The following CAND1 variants were observed in gnomAD, a reference collection of about 807,000 sequenced individuals.
CAND1 encodes the protein cullin associated and neddylation dissociated 1.
CAND1 carries 7 observed loss-of-function variants against 108.5 expected under a neutral mutation model. The observed-to-expected ratio is 0.06, with a 90% confidence interval of 0.04 to 0.12. The LOEUF is 0.12. Ranked by LOEUF, CAND1 falls within the 10% of genes least tolerant of loss-of-function variation. The pLI, the probability that CAND1 is intolerant of heterozygous loss-of-function variation, is 1.00. For missense variants in CAND1, 941 were observed against 1,448.7 expected (o/e 0.65, Z 5.69); for synonymous variants, 534 against 512.0 (o/e 1.04, Z -0.58).
chr12:67,306,975 G>C (rs2044893355), intron 10 of CAND1, among the ~76,000 whole-genome samples: 1 of 152,100 alleles, frequency 6.6e-6, no homozygotes, highest in African/African-American at 2.4e-5. Flanking sequence ...GATTCTGGAA[G>C]AGTTTTCAGA....
chr12:67,287,857 A>ATTT (rs34177330), intron 2 of CAND1, among the ~76,000 whole-genome samples: 158 of 112,548 alleles, frequency 1.4e-3, no homozygotes, highest in Non-Finnish European at 2.0e-3. Context: ...TTTTGATGTG[A>ATTT]TTTTTTTTTT....
chr12:67,297,873 A>AT lies in CAND1; in HGVS notation c.854+26dup, dbSNP rs751215470. On this transcript the variant is annotated intron_variant, in intron 6 of 14. Coordinates refer to ENST00000545606, the MANE Select transcript of CAND1 (RefSeq NM_018448.5). ...AAGAAGGTAAGTTTTTAAGATCTCTATTTTTTACAAAAAGTTTTTCCTTAA... is the reference window on the plus strand; with the variant it reads ...AAGAAGGTAAGTTTTTAAGATCTCTATTTTTTTACAAAAAGTTTTTCCTTAA... 2.8e-6 allele frequency: 4 copies of AT among 1,443,520 alleles called. No homozygotes were observed. Among genetic ancestry groups the AT allele is most frequent in the Non-Finnish European group, 3.8e-6 (4 of 1,042,160 alleles). 89.4% of individuals were successfully genotyped at this position (1,443,520 alleles called of 1,614,324 possible).
At chr12:67,274,650 T>C (rs1416694972) in intron 1 of CAND1, among the ~76,000 whole-genome samples, 1 of 152,250 alleles carries the variant, frequency 6.6e-6, no homozygotes, top group Non-Finnish European at 1.5e-5. Flanking sequence ...TAAAATCAAC[T>C]AAACTGTTTG....
chr12:67,305,140 C>T lies in CAND1; in HGVS notation c.1472C>T (p.Ser491Leu), dbSNP rs1389034178. 2 of 1,610,678 alleles carry T rather than the reference C, an allele frequency of 1.2e-6. No individual in the cohort carries two copies. Among genetic ancestry groups the T allele is most frequent in the Admixed American group, 1.7e-5 (1 of 59,598 alleles). The change falls in exon 10 of 15, where the codon TCG becomes TTG. Residue 491 changes from serine (S) to leucine (L), a missense_variant. By Grantham distance (145) the Ser-to-Leu change is moderately radical (BLOSUM62 -2). Coordinates refer to ENST00000545606, the MANE Select transcript of CAND1 (RefSeq NM_018448.5). This position sits in a 1 kb window ranked among gnomAD's most constrained non-coding sequence, Gnocchi z 4.4. ...IFSLNDKSSS[S>L]NLKIDALSCL... ...TCACTGAATGATAAATCAAGCTCAT[C>T]GAATTTGAAGATCGATGCTTTGTCA...
At chr12:67,269,994 G>A (rs1592598298) in intron 1 of CAND1, 2 of 525,110 alleles carry the variant, frequency 3.8e-6, no homozygotes, top group African/African-American at 4.1e-5. Context: ...CTTTCTCCTA[G>A]GCAGTTGCCC....
chr12:67,298,742 A>G (rs2044793382), intron 6 of CAND1, among the ~76,000 whole-genome samples: 1 of 152,166 alleles, frequency 6.6e-6, no homozygotes, highest in Non-Finnish European at 1.5e-5. Context: ...AGGGGAGTTC[A>G]TCTTAAAATT....
intron 8 of CAND1, among the ~76,000 whole-genome samples, chr12:67,303,274 A>G (rs971847041): frequency 2.0e-5 from 3 of 152,230 alleles, no homozygotes; most frequent in Non-Finnish European, 2.9e-5. Flanking sequence ...TAGTAGGTCA[A>G]TTTTTATAGA....
At chr12:67,271,602 C>T (rs1443016091) in intron 1 of CAND1, among the ~76,000 whole-genome samples, 1 of 151,914 alleles carries the variant, frequency 6.6e-6, no homozygotes, top group East Asian at 1.9e-4. Context: ...TTGTTTTTTT[C>T]TTAAATAAAT....
intron 3 of CAND1, among the ~76,000 whole-genome samples, chr12:67,293,415 G>T (rs1377326478): frequency 6.6e-6 from 1 of 152,196 alleles, no homozygotes; most frequent in Non-Finnish European, 1.5e-5. Flanking sequence ...ATCTGCAAAA[G>T]GTGAGATTAT....
intron 3 of CAND1, among the ~76,000 whole-genome samples, chr12:67,294,266 A>G (rs1423215575): frequency 6.6e-6 from 1 of 152,150 alleles, no homozygotes; most frequent in Non-Finnish European, 1.5e-5. Flanking sequence ...TTCTCTCATC[A>G]GTAACAACAT....
At chr12:67,292,854 CA>C in intron 3 of CAND1, 78 bp downstream of exon 3, 3 of 1,414,502 alleles carry the variant, frequency 2.1e-6, no homozygotes, top group Non-Finnish European at 3.0e-6. Flanking sequence ...CCCTTCTGGC[CA>C]AGGAGGGAGG....
In CAND1 at chr12:67,316,019, A is replaced by G. The variant is rs1258282097; in HGVS notation, c.*3189A>G. 2 of 152,228 alleles carry G rather than the reference A, an allele frequency of 1.3e-5. No individual in the cohort carries two copies. Among genetic ancestry groups the G allele is most frequent in the Non-Finnish European group, 2.9e-5 (2 of 68,036 alleles). The allele number at this position is 152,228 out of a possible 1,614,324, so 9.4% of individuals were successfully genotyped here. A position where few individuals can be genotyped will look rare whatever the true frequency, so the allele number is the denominator to read the frequency against. ...CCTAAATTGTTAAAATTAATTGCCA[A>G]TCTCTGGATATATTATGCTTAGTAA... is the stretch of plus-strand genomic sequence containing the variant. On this transcript the variant is annotated 3_prime_UTR_variant, in exon 15 of 15. Transcript: ENST00000545606.
rs2045023761 is a variant in CAND1, at chr12:67,317,827, A to G, written c.*4997A>G. ...CTAGCCCAGTCCATGCCCCTGTTTC[A>G]GACTATTATATCCAACCACCTGCTA... On this transcript the variant is annotated 3_prime_UTR_variant, in exon 15 of 15. Transcript: ENST00000545606. The G allele has an allele frequency of 6.6e-6, 1 of 152,266 alleles. No individual in the cohort carries two copies. Among genetic ancestry groups the G allele is most frequent in the African/African-American group, 2.4e-5 (1 of 41,444 alleles). 9.4% of individuals were successfully genotyped at this position (152,266 alleles called of 1,614,324 possible). A position where few individuals can be genotyped will look rare whatever the true frequency, so the allele number is the denominator to read the frequency against.
rs751583417 is a variant in CAND1, at chr12:67,305,568, C to T, written c.1900C>T (p.Leu634=). The T allele has an allele frequency of 1.5e-5, 25 of 1,614,138 alleles. No homozygotes were observed. The highest frequency in any genetic ancestry group is 1.7e-5 in the Non-Finnish European group (20 of 1,180,018). The change falls in exon 10 of 15, where the codon CTG becomes TTG. Residue 634 remains leucine, a synonymous_variant. Transcript: ENST00000545606. The surrounding 1 kb of genome is among the most constrained non-coding windows in gnomAD (Gnocchi z 4.4). The part of the protein sequence containing the change: ...TRLTTVKALT[L]IAGSPLKIDL... ...GTTAACTACAGTAAAGGCATTGACA[C>T]TGATTGCTGGGTCACCTTTGAAGAT...
chr12:67,294,445 T>A (rs561576190), intron 3 of CAND1, among the ~76,000 whole-genome samples: 8 of 152,294 alleles, frequency 5.3e-5, no homozygotes, highest in African/African-American at 1.2e-4. Context: ...ATATGCTTTT[T>A]AATTCACTGA....
At chr12:67,281,865 A>T in intron 1 of CAND1, 45 bp from the exon 2 acceptor site, 1 of 1,359,764 alleles carries the variant, frequency 7.4e-7, no homozygotes, top group Non-Finnish European at 1.0e-6. Flanking sequence ...TTTTTAAATT[A>T]ATGCTTTAAA....
intron 11 of CAND1, among the ~76,000 whole-genome samples, chr12:67,307,771 A>G (rs2136019521): frequency 6.6e-6 from 1 of 152,190 alleles, no homozygotes; most frequent in Non-Finnish European, 1.5e-5. Context: ...GTGACCTAAG[A>G]TAGCTTTAGT....
chr12:67,310,490 A>G, intron 13 of CAND1, 174 bp downstream of exon 13: 1 of 465,040 alleles, frequency 2.2e-6, no homozygotes, highest in Non-Finnish European at 3.8e-6. Flanking sequence ...ACACCAGTTG[A>G]CGTGTAAGAA....
At chr12:67,298,794 G>A (rs991732256) in intron 6 of CAND1, among the ~76,000 whole-genome samples, 156 bp from the exon 7 acceptor site, 1 of 152,114 alleles carries the variant, frequency 6.6e-6, no homozygotes, top group Non-Finnish European at 1.5e-5. Flanking sequence ...TTTTAAAATA[G>A]TAAGTCCATG....
Sources: allele counts gnomAD v4.1 joint callset (sites outside exome capture counted in the v4.1 genomes callset), GRCh38; gene constraint gnomAD v4.1.1; non-coding constraint Gnocchi (gnomAD v3.1); transcripts MANE v1.5; gene names NCBI Gene and HGNC (gene_info 2026-07-23, HGNC 2026-07-21).